The following PAK1 variants were observed in gnomAD, a reference collection of about 807,000 sequenced individuals.
The protein encoded by PAK1 is serine/threonine-protein kinase PAK 1.
Under a neutral mutation model 67.4 loss-of-function variants are expected in PAK1, and 29 were observed. That is an observed-to-expected ratio of 0.43 (90% CI 0.32 to 0.59). PAK1 has a LOEUF of 0.59. Among genes scored for constraint, PAK1 ranks in the 20% least tolerant of loss-of-function variants. The probability of loss-of-function intolerance (pLI) is 0.07; values close to 1 mark genes in which losing one functional copy is unlikely to be tolerated. For synonymous variants in PAK1, 223 were observed against 237.4 expected (o/e 0.94, Z 0.56); for missense variants, 337 against 670.7 (o/e 0.50, Z 5.50).
intron 1 of PAK1, among the ~76,000 whole-genome samples, chr11:77,424,686 C>A (rs1333627581): frequency 6.6e-6 from 1 of 152,148 alleles, no homozygotes; most frequent in Non-Finnish European, 1.5e-5. Flanking sequence ...CACTTATCTC[C>A]CATTATTCCC....
chr11:77,363,377 A>ACTTTTC (rs1360222633), intron 5 of PAK1, among the ~76,000 whole-genome samples: 2 of 152,196 alleles, frequency 1.3e-5, no homozygotes, highest in Non-Finnish European at 2.9e-5. Context: ...TCAACTTGAT[A>ACTTTTC]CTTTTCCTTG....
chr11:77,421,393 T>C (rs1173659111), intron 1 of PAK1, among the ~76,000 whole-genome samples: 1 of 152,218 alleles, frequency 6.6e-6, no homozygotes, highest in Non-Finnish European at 1.5e-5. Context: ...AACCAATCTT[T>C]ATAAAATGAT....
At chr11:77,385,675 G>C (rs374104535) in intron 2 of PAK1, among the ~76,000 whole-genome samples, 1 of 152,128 alleles carries the variant, frequency 6.6e-6, no homozygotes, top group East Asian at 1.9e-4. Flanking sequence ...GGCCAACATG[G>C]TGAAACCCCG....
At chr11:77,450,149 C>T (rs1296951178) in intron 1 of PAK1, among the ~76,000 whole-genome samples, 1 of 152,176 alleles carries the variant, frequency 6.6e-6, no homozygotes, top group African/African-American at 2.4e-5. Context: ...GTCTGATCCA[C>T]AGTATATATG....
intron 5 of PAK1, among the ~76,000 whole-genome samples, chr11:77,373,039 A>C (rs889435721): frequency 6.6e-6 from 1 of 152,188 alleles, no homozygotes; most frequent in African/African-American, 2.4e-5. Context: ...TTCAAGCACA[A>C]ACAGGAATCA....
At chr11:77,440,784 A>T (rs1274511328) in intron 1 of PAK1, among the ~76,000 whole-genome samples, 1 of 152,164 alleles carries the variant, frequency 6.6e-6, no homozygotes, top group Non-Finnish European at 1.5e-5. Flanking sequence ...GCCACCAAAA[A>T]ACAAGAGACC....
At chr11:77,372,382 A>G (rs1413043847) in intron 5 of PAK1, among the ~76,000 whole-genome samples, 3 of 152,216 alleles carry the variant, frequency 2.0e-5, no homozygotes, top group Non-Finnish European at 4.4e-5. Context: ...TTTCAGTTTT[A>G]TCATCTACAA....
chr11:77,486,374 G>A, the PAK1 span, among the ~76,000 whole-genome samples: 1 of 151,820 alleles, frequency 6.6e-6, no homozygotes, highest in African/African-American at 2.4e-5. Context: ...GAGGAGGTGG[G>A]GCAAGATGGC....
chr11:77,384,552 T>C (rs1194052895), intron 2 of PAK1, among the ~76,000 whole-genome samples: 3 of 152,224 alleles, frequency 2.0e-5, no homozygotes, highest in African/African-American at 4.8e-5. Flanking sequence ...TACATCCATA[T>C]ACTATTATTC....
chr11:77,353,191 T>G, intron 8 of PAK1: 1 of 206,954 alleles, frequency 4.8e-6, no homozygotes, highest in Non-Finnish European at 9.7e-6. Flanking sequence ...GGTCTTCCAT[T>G]TTATATTAGT....
At chr11:77,456,264 A>C (rs909993328) in intron 1 of PAK1, among the ~76,000 whole-genome samples, 14 of 152,218 alleles carry the variant, frequency 9.2e-5, no homozygotes, top group African/African-American at 3.4e-4. Context: ...TACAACGTAG[A>C]AGGAAACAAG....
the PAK1 span, among the ~76,000 whole-genome samples, chr11:77,487,437 G>A: frequency 1.3e-5 from 2 of 151,868 alleles, no homozygotes; most frequent in African/African-American, 4.8e-5. Context: ...AAAGTAGAGA[G>A]GACTTTGTCT....
At chr11:77,447,606 C>T (rs1484888873) in intron 1 of PAK1, among the ~76,000 whole-genome samples, 3 of 151,958 alleles carry the variant, frequency 2.0e-5, no homozygotes, top group African/African-American at 4.8e-5. Flanking sequence ...CTCACTGCAA[C>T]CTCCACCTCC....
At chr11:77,522,989 T>A in the PAK1 span, among the ~76,000 whole-genome samples, 2 of 152,154 alleles carry the variant, frequency 1.3e-5, no homozygotes, top group Non-Finnish European at 2.9e-5. Context: ...AAACACCACA[T>A]GTTCTCACTT....
chr11:77,489,233 C>T, the PAK1 span, among the ~76,000 whole-genome samples: 3 of 152,152 alleles, frequency 2.0e-5, no homozygotes, highest in South Asian at 6.2e-4. Flanking sequence ...ATGAAGCAGC[C>T]TTATTCAAAA....
At chr11:77,438,084 C>A (rs1956206419) in intron 1 of PAK1, among the ~76,000 whole-genome samples, 1 of 152,098 alleles carries the variant, frequency 6.6e-6, no homozygotes, top group Non-Finnish European at 1.5e-5. Context: ...TCAAACACAG[C>A]ACTGGCCTCT....
chr11:77,404,998 A>G (rs1953269748), intron 1 of PAK1, among the ~76,000 whole-genome samples: 1 of 152,238 alleles, frequency 6.6e-6, no homozygotes. Flanking sequence ...AGGCGCATGC[A>G]TGGGGCATGG....
intron 1 of PAK1, among the ~76,000 whole-genome samples, chr11:77,427,297 T>C (rs1955601328): frequency 6.6e-6 from 1 of 152,228 alleles, no homozygotes; most frequent in African/African-American, 2.4e-5. Flanking sequence ...TTTAGTAGGA[T>C]GATGTCACTG....
At chr11:77,335,155 G>C (rs1190005641) in intron 13 of PAK1, among the ~76,000 whole-genome samples, 1 of 152,162 alleles carries the variant, frequency 6.6e-6, no homozygotes, top group African/African-American at 2.4e-5. Flanking sequence ...CCTGTAAACA[G>C]TGGAATAACC....
Sources: gnomAD v4.1 joint callset for allele counts (sites outside exome capture counted in the v4.1 genomes callset) on GRCh38, gnomAD v4.1.1 for gene constraint, MANE v1.5 for transcripts, NCBI Gene and HGNC (gene_info 2026-07-23, HGNC 2026-07-21) for gene names.